CSMD3: variants seen among roughly 807,000 people sequenced by gnomAD.
CSMD3 encodes CUB and sushi domain-containing protein 3.
A neutral mutation model predicts 435.2 loss-of-function variants in CSMD3; 177 were observed. The ratio of observed to expected loss-of-function variants is 0.41; its 90% CI spans 0.36 to 0.46. The LOEUF (loss-of-function observed/expected upper bound fraction) is 0.46, where lower values mean the gene tolerates loss of function less well. CSMD3 is among the 20% of genes least tolerant of loss of function. The probability of loss-of-function intolerance (pLI) is 0.34; values close to 1 mark genes in which losing one functional copy is unlikely to be tolerated. For synonymous variants in CSMD3, 1,656 were observed against 1,520.5 expected, an observed-to-expected ratio of 1.09 and a Z score of -2.07; for missense variants, 4,265 against 4,504.6, an observed-to-expected ratio of 0.95 and a Z score of 1.52.
intron 13 of CSMD3, among the ~76,000 whole-genome samples, chr8:112,750,945 A>C (rs565123606): frequency 6.6e-6 from 1 of 151,950 alleles, no homozygotes; most frequent in South Asian, 2.1e-4. Context: ...TGAAGAGCTT[A>C]TTTTTCCAAG....
At chr8:112,836,657 A>C (rs769686377) in intron 11 of CSMD3, among the ~76,000 whole-genome samples, 1 of 151,902 alleles carries the variant, frequency 6.6e-6, no homozygotes, top group African/African-American at 2.4e-5. Flanking sequence ...ACGTAGTTTG[A>C]AGATAAAGCA....
rs563324647 is a variant in CSMD3 at position 112,223,091 on chromosome 8, A to G, written c.*1680T>C. ...GCAGAAGAAACATTGTTTAAACAAG[A>G]TCTTAAATGTATTAGCCTTAACATT... On this transcript the variant is annotated 3_prime_UTR_variant, in exon 71 of 71. Coordinates refer to ENST00000297405, the MANE Select transcript of CSMD3 (RefSeq NM_198123.2). 1 of 398,594 alleles carries G rather than the reference A, an allele frequency of 2.5e-6. No homozygotes were observed. Among genetic ancestry groups the G allele is most frequent in the South Asian group, 1.3e-4 (1 of 7,854 alleles). 24.7% of individuals were successfully genotyped at this position (398,594 alleles called of 1,614,324 possible).
chr8:112,898,265 T>C (rs980075854), intron 10 of CSMD3, among the ~76,000 whole-genome samples: 2 of 151,178 alleles, frequency 1.3e-5, no homozygotes, highest in Non-Finnish European at 3.0e-5. Context: ...GTCCTTCTTA[T>C]GCCTGAATAA....
chr8:112,975,830 C>T lies in CSMD3; in HGVS notation c.1342+7G>A, dbSNP rs750149288. ...TAAATGGGCACAAGTAAAATAACAT[C>T]CAATACCTCTATGAGTAACAACTGC... On this transcript the variant is annotated splice_region_variant and intron_variant, in intron 7 of 70. Transcript: ENST00000297405. 3 of 1,612,644 alleles carry T rather than the reference C, an allele frequency of 1.9e-6. No homozygotes were observed. Among genetic ancestry groups the T allele is most frequent in the Non-Finnish European group, 2.5e-6 (3 of 1,179,760 alleles).
chr8:113,138,466 T>C (rs987564747), intron 4 of CSMD3, among the ~76,000 whole-genome samples: 1 of 151,604 alleles, frequency 6.6e-6, no homozygotes, highest in Middle Eastern at 3.4e-3. Flanking sequence ...TAGGTTTCAG[T>C]AATATCTAGA....
At chr8:112,228,330 A>C (rs1422610117) in intron 70 of CSMD3, among the ~76,000 whole-genome samples, 2 of 152,182 alleles carry the variant, frequency 1.3e-5, no homozygotes, top group Non-Finnish European at 2.9e-5. Context: ...GGGTAAAATC[A>C]GTTAGTATTT....
intron 2 of CSMD3, among the ~76,000 whole-genome samples, chr8:113,285,192 T>C (rs1288269025): frequency 1.3e-5 from 2 of 152,008 alleles, no homozygotes; most frequent in African/African-American, 4.8e-5. Context: ...TGGTAAGAAT[T>C]ATTATGAAGT....
chr8:112,686,304 C>T (rs1462554615), intron 14 of CSMD3, among the ~76,000 whole-genome samples: 1 of 152,076 alleles, frequency 6.6e-6, no homozygotes, highest in Non-Finnish European at 1.5e-5. Context: ...CTCTTGCCAT[C>T]ACACTAAAAT....
At chr8:112,384,781 G>C (rs185556358) in intron 36 of CSMD3, among the ~76,000 whole-genome samples, 6 of 152,262 alleles carry the variant, frequency 3.9e-5, no homozygotes, top group African/African-American at 1.4e-4. Context: ...TCTAAGATAG[G>C]AATAAGACCA....
At chr8:112,896,588 G>A (rs899424356) in intron 10 of CSMD3, among the ~76,000 whole-genome samples, 1 of 151,148 alleles carries the variant, frequency 6.6e-6, no homozygotes, top group Non-Finnish European at 1.5e-5. Context: ...CTACTATAGA[G>A]TCTCTGAAAT....
At chr8:112,598,660 C>A (rs977321200) in intron 22 of CSMD3, among the ~76,000 whole-genome samples, 35 of 149,184 alleles carry the variant, frequency 2.3e-4, no homozygotes, top group Admixed American at 1.8e-3. Flanking sequence ...GGTACTGGTA[C>A]CAAAACAGAG....
At chr8:112,601,422 T>C (rs1444133735) in intron 22 of CSMD3, among the ~76,000 whole-genome samples, 2 of 152,148 alleles carry the variant, frequency 1.3e-5, no homozygotes. Flanking sequence ...AACCCCTTCA[T>C]GATATTTCCA....
chr8:112,335,127 C>T (rs372898361), intron 45 of CSMD3, among the ~76,000 whole-genome samples: 1 of 152,126 alleles, frequency 6.6e-6, no homozygotes, highest in East Asian at 1.9e-4. Flanking sequence ...TATCCATTTG[C>T]TCACATTTTA....
At chr8:113,370,254 G>C (rs1386834265) in intron 1 of CSMD3, among the ~76,000 whole-genome samples, 1 of 151,210 alleles carries the variant, frequency 6.6e-6, no homozygotes, top group African/African-American at 2.4e-5. Context: ...AAAGGAAAAA[G>C]ATAGCTGGCA....
intron 53 of CSMD3, among the ~76,000 whole-genome samples, chr8:112,298,095 T>TA (rs1820518656): frequency 9.9e-6 from 1 of 101,288 alleles, no homozygotes; most frequent in Non-Finnish European, 2.2e-5. Context: ...AAAAAATAAG[T>TA]AAAGACCCAA....
At chr8:112,561,603 CT>C (rs1335670382) in intron 24 of CSMD3, among the ~76,000 whole-genome samples, 4 of 151,556 alleles carry the variant, frequency 2.6e-5, no homozygotes, top group African/African-American at 7.3e-5. Flanking sequence ...ATTAATTCAT[CT>C]TCACGTTAAT....
At chr8:112,302,214 T>C (rs1179834141) in intron 52 of CSMD3, among the ~76,000 whole-genome samples, 6 of 76,262 alleles carry the variant, frequency 7.9e-5, no homozygotes, top group African/African-American at 3.9e-4. Context: ...TTTTTTTTCA[T>C]TTTTTTTTTT....
chr8:112,489,850 A>G (rs1820514068), intron 31 of CSMD3, among the ~76,000 whole-genome samples: 1 of 152,174 alleles, frequency 6.6e-6, no homozygotes, highest in Non-Finnish European at 1.5e-5. Flanking sequence ...GATTTCCATA[A>G]TATCATGTCC....
rs187035795 is a variant in CSMD3, at chr8:113,249,231, T to C, written c.514+29361A>G. On this transcript the variant is annotated intron_variant, in intron 3 of 70. Transcript: ENST00000297405. ...CAGCCATATGGAACTGTGAGTCAATTTTCTCTTTCCTTTATAAATTACCCA... is the reference window on the plus strand; with the variant it reads ...CAGCCATATGGAACTGTGAGTCAATCTTCTCTTTCCTTTATAAATTACCCA... Among the ~76,000 whole-genome samples the C allele has an allele frequency of 5.5e-3, 839 of 152,214 alleles. 12 individuals carry two copies. Among genetic ancestry groups the C allele is most frequent in the African/African-American group, 0.019 (802 of 41,554 alleles).
Sources: allele counts gnomAD v4.1 joint callset (sites outside exome capture counted in the v4.1 genomes callset), GRCh38; gene constraint gnomAD v4.1.1; transcripts MANE v1.5; gene names NCBI Gene and HGNC (gene_info 2026-07-23, HGNC 2026-07-21).